Variants in CFTR observed in about 807,000 individuals in gnomAD.
CFTR encodes cystic fibrosis transmembrane conductance regulator.
A neutral mutation model predicts 171.6 loss-of-function variants in CFTR; 181 were observed. The observed-to-expected ratio is 1.05, with a 90% CI of 0.93 to 1.19. The LOEUF (loss-of-function observed/expected upper bound fraction) is 1.19, where lower values mean the gene tolerates loss of function less well. CFTR is among the 50% of genes most tolerant of loss of function. The pLI is 0.00. For synonymous variants in CFTR, 583 were observed against 608.0 expected (o/e 0.96, Z 0.60); for missense variants, 1,968 against 1,734.7 (o/e 1.13, Z -2.39).
intron 21 of CFTR, among the ~76,000 whole-genome samples, chr7:117,624,569 C>T (rs117842050): frequency 5.6e-4 from 85 of 152,256 alleles, no homozygotes; most frequent in African/African-American, 1.7e-3. Context: ...AATTGAGGCA[C>T]GGGCCTCCTT....
intron 22 of CFTR, among the ~76,000 whole-genome samples, chr7:117,638,000 C>T (rs905531287): frequency 1.3e-5 from 2 of 152,178 alleles, no homozygotes; most frequent in African/African-American, 4.8e-5. Context: ...AGAAGTCGGC[C>T]AGTGACTTGG....
chr7:117,580,395 T>C (rs539319631), intron 11 of CFTR, among the ~76,000 whole-genome samples: 1 of 152,140 alleles, frequency 6.6e-6, no homozygotes, highest in East Asian at 1.9e-4. Context: ...GTGGTGATTA[T>C]GGGGAAAAGG....
At chr7:117,577,535 GATTTATC>G (rs1180937962) in intron 11 of CFTR, among the ~76,000 whole-genome samples, 1 of 151,992 alleles carries the variant, frequency 6.6e-6, no homozygotes, top group African/African-American at 2.4e-5. Flanking sequence ...AAGCATTCTT[GATTTATC>G]ATCTTCAATC....
At position 117,642,491 on chromosome 7, in the gene CFTR, T is replaced by G. The variant is rs397508607; in HGVS notation, c.3771T>G (p.Phe1257Leu). Residue 1257 changes from phenylalanine (F) to leucine (L), a missense_variant, in exon 23 of 27, where the codon TTT becomes TTG. Phe to Leu is a conservative substitution (Grantham distance 22). Transcript: ENST00000003084. ...GSGKSTLLSA[F>L]LRLLNTEGEI... ...GGAAGAGTACTTTGTTATCAGCTTT[T>G]TTGAGACTACTGAACACTGAAGGAG... is the stretch of plus-strand genomic sequence containing the variant. 1.4e-5 allele frequency: 22 copies of G among 1,613,610 alleles called. No individual in the cohort carries two copies. The highest frequency in any genetic ancestry group is 1.2e-4 in the Admixed American group (7 of 59,952).
At position 117,559,632 on chromosome 7, in the gene CFTR, A is replaced by T. The variant is rs1360070384; in HGVS notation, c.1561A>T (p.Ile521Phe). 1 of 1,613,338 alleles carries T rather than the reference A, an allele frequency of 6.2e-7. No individual in the cohort carries two copies. The highest frequency in any genetic ancestry group is 8.5e-7 in the Non-Finnish European group (1 of 1,179,518). ...TGATGAATATAGATACAGAAGCGTCATCAAAGCATGCCAACTAGAAGAGGT... is the reference window on the plus strand; with the variant it reads ...TGATGAATATAGATACAGAAGCGTCTTCAAAGCATGCCAACTAGAAGAGGT... ...SYDEYRYRSV[I>F]KACQLEEDIS... The change falls in exon 11 of 27, where the codon ATC becomes TTC. Residue 521 changes from isoleucine to phenylalanine, a missense_variant. Transcript: ENST00000003084.
chr7:117,575,778 T>C (rs1291383165), intron 11 of CFTR, among the ~76,000 whole-genome samples: 1 of 152,156 alleles, frequency 6.6e-6, no homozygotes, highest in Non-Finnish European at 1.5e-5. Flanking sequence ...TTTCCTTTTA[T>C]ACAAATATTT....
chr7:117,606,066 C>A (rs1792296069), intron 17 of CFTR, among the ~76,000 whole-genome samples: 1 of 152,128 alleles, frequency 6.6e-6, no homozygotes. Flanking sequence ...TTGTATATAA[C>A]CTTTTTTAAT....
At chr7:117,617,615 A>G (rs1792513643) in intron 21 of CFTR, among the ~76,000 whole-genome samples, 1 of 151,786 alleles carries the variant, frequency 6.6e-6, no homozygotes, top group Non-Finnish European at 1.5e-5. Flanking sequence ...TGCAACCAGG[A>G]AGAATTTTCT....
intron 18 of CFTR, among the ~76,000 whole-genome samples, chr7:117,609,594 A>G (rs887081789): frequency 6.6e-6 from 1 of 152,138 alleles, no homozygotes; most frequent in African/African-American, 2.4e-5. Flanking sequence ...ATTTATTTCA[A>G]TGTTAAGCAT....
At chr7:117,642,663 C>T (rs912553281) in intron 23 of CFTR, 70 bp downstream of exon 23, 5 of 1,496,862 alleles carry the variant, frequency 3.3e-6, no homozygotes, top group Non-Finnish European at 4.6e-6. Flanking sequence ...GATACTTGTA[C>T]TCAAGAAATT....
intron 23 of CFTR, among the ~76,000 whole-genome samples, chr7:117,651,338 G>A (rs780988923): frequency 1.4e-4 from 21 of 152,112 alleles, no homozygotes; most frequent in Admixed American, 9.2e-4. Flanking sequence ...CTATTGGCAA[G>A]GCTTTTTAAC....
At chr7:117,588,362 A>G (rs1791976985) in intron 12 of CFTR, among the ~76,000 whole-genome samples, 1 of 152,162 alleles carries the variant, frequency 6.6e-6, no homozygotes, top group Admixed American at 6.6e-5. Context: ...CCTTAGTAGA[A>G]ACACTCTTGG....
intron 3 of CFTR, among the ~76,000 whole-genome samples, chr7:117,521,007 A>G (rs1424963360): frequency 6.6e-6 from 1 of 151,990 alleles, no homozygotes; most frequent in African/African-American, 2.4e-5. Context: ...AAGACTCTCC[A>G]TTTATTTGAG....
intron 2 of CFTR, among the ~76,000 whole-genome samples, chr7:117,505,268 C>G (rs1022298791): frequency 6.6e-6 from 1 of 152,094 alleles, no homozygotes; most frequent in African/African-American, 2.4e-5. Context: ...TAGTCCCCCC[C>G]ATAAAGAATC....
At position 117,541,921 on chromosome 7, in the gene CFTR, A is replaced by G. The variant is rs940366514; in HGVS notation, c.1117-95A>G. On this transcript the variant is annotated intron_variant, in intron 8 of 26. Coordinates refer to ENST00000003084, the MANE Select transcript of CFTR (RefSeq NM_000492.4). ...ACTATTTCATTATTAAAATTCATAT[A>G]TAAGATGTAGCACAATGAGAGTATA... is the stretch of plus-strand genomic sequence containing the variant. 3.7e-4 allele frequency: 190 copies of G among 516,978 alleles called. 1 individual carries two copies. Among genetic ancestry groups the G allele is most frequent in the Non-Finnish European group, 4.9e-4 (138 of 281,498 alleles). The allele number at this position is 516,978 out of a possible 1,614,324, so 32.0% of individuals were successfully genotyped here.
At position 117,611,567 on chromosome 7, in the gene CFTR, G is replaced by T; in HGVS notation, c.3140-14G>T. On this transcript the variant is annotated splice_polypyrimidine_tract_variant and intron_variant, in intron 19 of 26. Coordinates refer to ENST00000003084, the MANE Select transcript of CFTR (RefSeq NM_000492.4). ...TATGTTATTTGCAATGTTTTCTATG[G>T]AAATATTTCACAGGCAGGAGTCCAA... 6.8e-7 allele frequency: 1 copy of T among 1,470,512 alleles called. No individual in the cohort carries two copies. Among genetic ancestry groups the T allele is most frequent in the Non-Finnish European group, 9.5e-7 (1 of 1,050,282 alleles). 91.1% of individuals were successfully genotyped at this position (1,470,512 alleles called of 1,614,324 possible). A position where few individuals can be genotyped will look rare whatever the true frequency, so the allele number is the denominator to read the frequency against.
In CFTR at chr7:117,664,874, G is replaced by T. The variant is rs1389376517; in HGVS notation, c.4136+14G>T. On this transcript the variant is annotated intron_variant, in intron 25 of 26. Coordinates refer to ENST00000003084, the MANE Select transcript of CFTR (RefSeq NM_000492.4). The stretch of plus-strand genomic sequence containing the variant: ...TTTGGATCCAGTGTGAGTTTCAGAT[G>T]TTCTGTTACTTAATAGCACAGTGGG... 5.6e-6 allele frequency: 9 copies of T among 1,613,210 alleles called. No individual in the cohort carries two copies. The South Asian group carries it at 8.8e-5, about 16-fold the overall frequency.
intron 24 of CFTR, among the ~76,000 whole-genome samples, chr7:117,653,236 G>A (rs201098933): frequency 2.0e-5 from 3 of 152,250 alleles, no homozygotes; most frequent in Non-Finnish European, 4.4e-5. Context: ...AATACCTGGC[G>A]CGACAAGTAC....
chr7:117,524,512 A>C (rs1798741285), intron 3 of CFTR, among the ~76,000 whole-genome samples: 1 of 152,246 alleles, frequency 6.6e-6, no homozygotes, highest in South Asian at 2.1e-4. Flanking sequence ...TTAAGGATTA[A>C]ATATTGCCAT....
Sources: gnomAD v4.1 joint callset for allele counts (sites outside exome capture counted in the v4.1 genomes callset) on GRCh38, gnomAD v4.1.1 for gene constraint, MANE v1.5 for transcripts, NCBI Gene and HGNC (gene_info 2026-07-23, HGNC 2026-07-21) for gene names.